FAM168A: variants seen among roughly 807,000 people sequenced by gnomAD.
FAM168A encodes family with sequence similarity 168 member A.
In FAM168A, 3 loss-of-function variants were observed where a neutral mutation model predicts 28.5. That is an observed-to-expected ratio of 0.11 (90% CI 0.05 to 0.27). The LOEUF (loss-of-function observed/expected upper bound fraction) is 0.27. FAM168A is among the 10% of genes least tolerant of loss of function. The pLI is 1.00. For synonymous variants in FAM168A, 122 were observed against 124.2 expected (o/e 0.98, Z 0.12); for missense variants, 222 against 311.5 (o/e 0.71, Z 2.16).
At chr11:73,546,022 T>C (rs919944212) in intron 1 of FAM168A, among the ~76,000 whole-genome samples, 1 of 152,202 alleles carries the variant, frequency 6.6e-6, no homozygotes, top group Non-Finnish European at 1.5e-5. Context: ...TACCTCAATC[T>C]AGGGCTCTTT....
intron 1 of FAM168A, among the ~76,000 whole-genome samples, chr11:73,521,000 C>G (rs1436182481): frequency 6.6e-6 from 1 of 151,982 alleles, no homozygotes; most frequent in Non-Finnish European, 1.5e-5. Flanking sequence ...GTGTTTTGAT[C>G]TAGAAAACTG....
chr11:73,505,658 G>A (rs1256539275), intron 1 of FAM168A, among the ~76,000 whole-genome samples: 4 of 152,136 alleles, frequency 2.6e-5, no homozygotes, highest in African/African-American at 9.7e-5. Flanking sequence ...TCACTGAGAA[G>A]GTGCTACCTA....
intron 4 of FAM168A, among the ~76,000 whole-genome samples, chr11:73,415,200 A>G (rs112151490): frequency 2.6e-5 from 4 of 152,388 alleles, no homozygotes; most frequent in African/African-American, 9.6e-5. Context: ...CTTGGCAGCC[A>G]AAGAGATGAT....
chr11:73,538,764 C>T (rs1943614567), intron 1 of FAM168A, among the ~76,000 whole-genome samples: 1 of 152,158 alleles, frequency 6.6e-6, no homozygotes, highest in South Asian at 2.1e-4. Flanking sequence ...TCTGAGGTGA[C>T]AAAGAGTGTC....
intron 1 of FAM168A, among the ~76,000 whole-genome samples, chr11:73,487,094 AT>A (rs1340083951): frequency 2.0e-5 from 3 of 152,112 alleles, no homozygotes; most frequent in Non-Finnish European, 4.4e-5. Context: ...TGGGGATATT[AT>A]TTTTTTGTTT....
At chr11:73,442,857 C>T (rs1590779942) in intron 2 of FAM168A, among the ~76,000 whole-genome samples, 1 of 129,796 alleles carries the variant, frequency 7.7e-6, no homozygotes. Flanking sequence ...TTTTTTGAGA[C>T]AGAGTGAGTA....
In FAM168A at chr11:73,534,600, G is replaced by A. The variant is rs190414267; in HGVS notation, c.-19+63323C>T. 5.4e-3 allele frequency among the ~76,000 whole-genome samples: 826 copies of A among 151,696 alleles called. 5 individuals are homozygous for A. The highest frequency in any genetic ancestry group is 0.019 in the African/African-American group (792 of 41,360). On this transcript the variant is annotated intron_variant, in intron 1 of 7. Transcript: ENST00000356467. Reference sequence around the variant, plus strand: ...GTATTTTTAGTAGAGACGGGGTTTCGTCATGTTGGCCAGGCTGGTCTCGAA... The same window carrying A: ...GTATTTTTAGTAGAGACGGGGTTTCATCATGTTGGCCAGGCTGGTCTCGAA...
chr11:73,507,191 T>C (rs1855133297), intron 1 of FAM168A, among the ~76,000 whole-genome samples: 1 of 152,328 alleles, frequency 6.6e-6, no homozygotes, highest in African/African-American at 2.4e-5. Flanking sequence ...GCACGTGTAA[T>C]TGTGTTCATA....
At chr11:73,579,196 G>A (rs1045643330) in intron 1 of FAM168A, among the ~76,000 whole-genome samples, 2 of 152,088 alleles carry the variant, frequency 1.3e-5, no homozygotes, top group African/African-American at 2.4e-5. Flanking sequence ...GAGGATTAGG[G>A]TTTCAACATA....
At chr11:73,573,371 G>A (rs988793239) in intron 1 of FAM168A, among the ~76,000 whole-genome samples, 9 of 152,040 alleles carry the variant, frequency 5.9e-5, no homozygotes, top group Non-Finnish European at 1.0e-4. Context: ...TCTAATCAAG[G>A]AGCCTCCCAC....
intron 2 of FAM168A, among the ~76,000 whole-genome samples, chr11:73,442,977 T>TATATAG (rs1867229862): frequency 8.3e-6 from 1 of 119,848 alleles, no homozygotes. Flanking sequence ...TATATATATA[T>TATATAG]ATATATATAT....
intron 2 of FAM168A, among the ~76,000 whole-genome samples, chr11:73,445,176 T>C (rs190275917): frequency 1.6e-3 from 242 of 152,014 alleles, no homozygotes; most frequent in Non-Finnish European, 3.0e-3. Flanking sequence ...GGAGAATCGC[T>C]TGAACCTGGG....
intron 1 of FAM168A, among the ~76,000 whole-genome samples, chr11:73,571,418 G>A (rs1050016024): frequency 2.0e-5 from 3 of 151,878 alleles, no homozygotes; most frequent in East Asian, 1.9e-4. Context: ...ACTGGTTTTC[G>A]TATTTTTTTG....
intron 4 of FAM168A, among the ~76,000 whole-genome samples, chr11:73,417,997 C>T (rs1163975921): frequency 2.0e-5 from 3 of 152,196 alleles, no homozygotes; most frequent in Non-Finnish European, 2.9e-5. Context: ...TAGGCCTCAT[C>T]GTTCAAACTG....
At chr11:73,511,773 T>C (rs986152190) in intron 1 of FAM168A, among the ~76,000 whole-genome samples, 1 of 152,158 alleles carries the variant, frequency 6.6e-6, no homozygotes, top group Non-Finnish European at 1.5e-5. Flanking sequence ...AGTTTCCTCA[T>C]CTGTAGTAAT....
intron 2 of FAM168A, among the ~76,000 whole-genome samples, chr11:73,459,224 C>G (rs558339551): frequency 2.4e-4 from 36 of 152,070 alleles, no homozygotes; most frequent in Non-Finnish European, 4.6e-4. Flanking sequence ...GCTGGGACAA[C>G]AGGCATGTGC....
At chr11:73,470,014 C>T (rs1867791332) in intron 1 of FAM168A, among the ~76,000 whole-genome samples, 1 of 151,992 alleles carries the variant, frequency 6.6e-6, no homozygotes, top group Non-Finnish European at 1.5e-5. Flanking sequence ...TGGGTTCAAG[C>T]GATTCTCCAG....
intron 1 of FAM168A, among the ~76,000 whole-genome samples, chr11:73,529,351 CCT>C (rs1360322259): frequency 6.6e-6 from 1 of 152,228 alleles, no homozygotes; most frequent in Non-Finnish European, 1.5e-5. Flanking sequence ...AGTCTCTCAA[CCT>C]TTCTGAGCCT....
chr11:73,488,896 GT>G (rs1868090751), intron 1 of FAM168A, among the ~76,000 whole-genome samples: 1 of 152,096 alleles, frequency 6.6e-6, no homozygotes, highest in South Asian at 2.1e-4. Flanking sequence ...TTCTTTCTTT[GT>G]TTTTTTCTTG....
Sources: allele counts gnomAD v4.1 joint callset (sites outside exome capture counted in the v4.1 genomes callset), GRCh38; gene constraint gnomAD v4.1.1; transcripts MANE v1.5; gene names NCBI Gene and HGNC (gene_info 2026-07-23, HGNC 2026-07-21).